Variants in DLGAP1 observed in about 807,000 individuals in gnomAD.
DLGAP1 encodes the protein disks large-associated protein 1.
A neutral mutation model predicts 90.8 loss-of-function variants in DLGAP1; 11 were observed. The observed-to-expected ratio is 0.12, with a 90% CI of 0.08 to 0.20. The LOEUF (loss-of-function observed/expected upper bound fraction) is 0.20, where lower values mean the gene tolerates loss of function less well. Ranked by LOEUF, DLGAP1 falls within the 10% of genes least tolerant of loss-of-function variation. The pLI is 1.00. For missense variants in DLGAP1, 1,050 were observed against 1,333.8 expected, an observed-to-expected ratio of 0.79 and a Z score of 3.31; for synonymous variants, 558 against 540.7, an observed-to-expected ratio of 1.03 and a Z score of -0.44.
intron 1 of DLGAP1, among the ~76,000 whole-genome samples, chr18:4,382,238 C>A (rs373598366): frequency 1.1e-4 from 17 of 152,112 alleles, no homozygotes; most frequent in East Asian, 7.7e-4. Flanking sequence ...CAGCTGGAGT[C>A]CCATTCCCAG....
chr18:3,764,136 T>A (rs1423278463), intron 5 of DLGAP1, among the ~76,000 whole-genome samples: 4 of 152,222 alleles, frequency 2.6e-5, no homozygotes, highest in African/African-American at 9.6e-5. Context: ...ACACCAGTAT[T>A]AAGGATTATT....
rs371262372 is a variant in DLGAP1, at chr18:3,569,251, C to T, written c.1966-1670G>A. The stretch of plus-strand genomic sequence containing the variant: ...TCCTGACCTCGTGATTTGAGTGCCT[C>T]GGCCTCCCAAATTGCTGAGATTACA... On this transcript the variant is annotated intron_variant, in intron 8 of 12. Transcript: ENST00000315677. Among the ~76,000 whole-genome samples the T allele has an allele frequency of 5.9e-5, 9 of 151,978 alleles. No individual in the cohort carries two copies. The South Asian group carries it at 8.4e-4, about 14-fold the overall frequency.
rs147256608 is a variant in DLGAP1 at position 3,866,102 on chromosome 18, G to C, written c.957+13010C>G. On this transcript the variant is annotated intron_variant, in intron 4 of 12. Coordinates refer to ENST00000315677, the MANE Select transcript of DLGAP1 (RefSeq NM_004746.4). The stretch of plus-strand genomic sequence containing the variant: ...AGGTAACATAAGAATTTGTCTATCA[G>C]AGCTTAAAGCCCAAAAGTGATTTTG... Among the ~76,000 whole-genome samples, 19 of 152,286 alleles carry C rather than the reference G, an allele frequency of 1.2e-4. No individual in the cohort carries two copies. The South Asian group carries it at 3.5e-3, about 28-fold the overall frequency.
In DLGAP1 at chr18:4,033,989, C is replaced by G. The variant is rs1186861791; in HGVS notation, c.-158-28788G>C. Among the ~76,000 whole-genome samples, 5 of 151,044 alleles carry G rather than the reference C, an allele frequency of 3.3e-5. No individual in the cohort carries two copies. The East Asian group carries it at 9.7e-4, about 29-fold the overall frequency. ...CCGGACCTCGTGATCTGCCCGCCTC[C>G]GCCTCCCAAAGTGCTGGGATGAGGG... is the stretch of plus-strand genomic sequence containing the variant. On this transcript the variant is annotated intron_variant, in intron 2 of 12. Coordinates refer to ENST00000315677, the MANE Select transcript of DLGAP1 (RefSeq NM_004746.4).
chr18:3,785,535 G>A (rs1280220595), intron 5 of DLGAP1, among the ~76,000 whole-genome samples: 1 of 152,176 alleles, frequency 6.6e-6, no homozygotes, highest in Non-Finnish European at 1.5e-5. Context: ...GGGACATGGG[G>A]GAATGTAGAC....
At chr18:3,867,058 T>C (rs1337727000) in intron 4 of DLGAP1, among the ~76,000 whole-genome samples, 5 of 152,174 alleles carry the variant, frequency 3.3e-5, no homozygotes, top group Non-Finnish European at 4.4e-5. Flanking sequence ...TTCACTATGT[T>C]GGCCATGCTG....
At chr18:4,394,578 A>T (rs906198434) in intron 1 of DLGAP1, among the ~76,000 whole-genome samples, 3 of 152,182 alleles carry the variant, frequency 2.0e-5, no homozygotes, top group Non-Finnish European at 4.4e-5. Flanking sequence ...GGTTTAATCA[A>T]TTTTTGGAAT....
chr18:4,298,755 C>G (rs2080047161), intron 1 of DLGAP1, among the ~76,000 whole-genome samples: 1 of 141,896 alleles, frequency 7.0e-6, no homozygotes, highest in Admixed American at 6.9e-5. Context: ...CACATGTACC[C>G]TAAAATTTAA....
At chr18:4,022,858 C>T (rs2074637164) in intron 2 of DLGAP1, among the ~76,000 whole-genome samples, 1 of 125,596 alleles carries the variant, frequency 8.0e-6, no homozygotes, top group South Asian at 2.5e-4. Flanking sequence ...TGATGTTATG[C>T]AACTTTTTAG....
intron 7 of DLGAP1, chr18:3,607,686 C>G (rs1373119550): frequency 1.3e-5 from 2 of 152,184 alleles, no homozygotes; most frequent in Admixed American, 1.3e-4. Flanking sequence ...CCAGAACATA[C>G]CATCCTTTTG....
intron 2 of DLGAP1, among the ~76,000 whole-genome samples, chr18:4,125,180 G>A (rs1296321961): frequency 6.6e-6 from 1 of 152,196 alleles, no homozygotes; most frequent in Non-Finnish European, 1.5e-5. Flanking sequence ...GCACACAGAT[G>A]AGTGAAGAGG....
chr18:3,670,913 A>G (rs1288234481), intron 7 of DLGAP1, among the ~76,000 whole-genome samples: 1 of 152,248 alleles, frequency 6.6e-6, no homozygotes, highest in African/African-American at 2.4e-5. Context: ...AATATCAGAA[A>G]AGTTTAGCTT....
intron 1 of DLGAP1, among the ~76,000 whole-genome samples, chr18:4,369,948 T>G (rs2081879354): frequency 6.6e-6 from 1 of 151,148 alleles, no homozygotes; most frequent in Admixed American, 6.6e-5. Context: ...GAGGAGGGTG[T>G]GATACGGTTA....
intron 6 of DLGAP1, among the ~76,000 whole-genome samples, chr18:3,739,794 G>T (rs1465753626): frequency 6.6e-6 from 1 of 150,622 alleles, no homozygotes; most frequent in African/African-American, 2.4e-5. Context: ...GAAAAAAAAA[G>T]ATACTGTGTT....
intron 10 of DLGAP1, among the ~76,000 whole-genome samples, chr18:3,508,995 T>A (rs895013142): frequency 4.6e-5 from 7 of 151,930 alleles, no homozygotes; most frequent in Non-Finnish European, 7.4e-5. Flanking sequence ...TTTTTTTTTT[T>A]TAAACTTCCT....
At chr18:4,107,865 A>G (rs2075897750) in intron 2 of DLGAP1, among the ~76,000 whole-genome samples, 1 of 151,752 alleles carries the variant, frequency 6.6e-6, no homozygotes. Context: ...TTCTTTCTAG[A>G]TTTTTCTTTT....
At chr18:3,677,703 G>A (rs1008127490) in intron 7 of DLGAP1, among the ~76,000 whole-genome samples, 29 of 152,268 alleles carry the variant, frequency 1.9e-4, no homozygotes, top group African/African-American at 7.0e-4. Context: ...CTGTCGCCCA[G>A]GCTGGAGTGC....
At chr18:3,641,087 C>T (rs2058919085) in intron 7 of DLGAP1, among the ~76,000 whole-genome samples, 1 of 152,084 alleles carries the variant, frequency 6.6e-6, no homozygotes, top group African/African-American at 2.4e-5. Context: ...AACAAGAGTA[C>T]ACTAGTATTC....
chr18:4,217,366 A>G (rs2077979671), intron 1 of DLGAP1, among the ~76,000 whole-genome samples: 1 of 152,164 alleles, frequency 6.6e-6, no homozygotes, highest in Non-Finnish European at 1.5e-5. Context: ...CAGTGTGGAA[A>G]TTAGTTTTTA....
Sources: gnomAD v4.1 joint callset for allele counts (sites outside exome capture counted in the v4.1 genomes callset) on GRCh38, gnomAD v4.1.1 for gene constraint, MANE v1.5 for transcripts, NCBI Gene and HGNC (gene_info 2026-07-23, HGNC 2026-07-21) for gene names.